The following SEPTIN9 variants were observed in gnomAD, a reference collection of about 807,000 sequenced individuals.
SEPTIN9 encodes septin-9.
A neutral mutation model predicts 56.6 loss-of-function variants in SEPTIN9; 13 were observed. That is an observed-to-expected ratio of 0.23 (90% confidence interval 0.15 to 0.37). The LOEUF (loss-of-function observed/expected upper bound fraction) is 0.37. Ranked by LOEUF, SEPTIN9 falls within the 10% of genes least tolerant of loss-of-function variation. The pLI, the probability that SEPTIN9 is intolerant of heterozygous loss-of-function variation, is 1.00. For missense variants in SEPTIN9, 650 were observed against 823.1 expected, an observed-to-expected ratio of 0.79 and a Z score of 2.57; for synonymous variants, 332 against 334.1, an observed-to-expected ratio of 0.99 and a Z score of 0.07.
chr17:77,346,294 T>A (rs2033893099), intron 2 of SEPTIN9, among the ~76,000 whole-genome samples: 1 of 145,288 alleles, frequency 6.9e-6, no homozygotes. Flanking sequence ...TTTTTTTTTT[T>A]TTTTTTTTTT....
At chr17:77,463,849 T>A (rs963964957) in intron 3 of SEPTIN9, among the ~76,000 whole-genome samples, 1 of 151,690 alleles carries the variant, frequency 6.6e-6, no homozygotes, top group Non-Finnish European at 1.5e-5. Context: ...TCTCAAAAAA[T>A]AAATAAATAA....
Position 77,323,567 on chromosome 17 carries a change from C to A in SEPTIN9, c.76+16370C>A, listed in dbSNP as rs2033020536. On this transcript the variant is annotated intron_variant, in intron 2 of 11. Coordinates refer to ENST00000427177, the MANE Select transcript of SEPTIN9 (RefSeq NM_001113491.2). This position sits in a 1 kb window ranked among gnomAD's most constrained non-coding sequence, Gnocchi z 6.8. ...CACGCTGTCGCTGGACGTCTGTCCC[C>A]ACCAGGGTCCATCTGATGCAGTACG... is the stretch of plus-strand genomic sequence containing the variant. 6.6e-6 allele frequency: 1 copy of A among 152,324 alleles called. No individual in the cohort carries two copies. The highest frequency in any genetic ancestry group is 2.4e-5 in the African/African-American group (1 of 41,404). 9.4% of individuals were successfully genotyped at this position (152,324 alleles called of 1,614,324 possible).
chr17:77,300,329 T>C (rs1181845965), intron 1 of SEPTIN9, among the ~76,000 whole-genome samples: 1 of 124,688 alleles, frequency 8.0e-6, no homozygotes, highest in African/African-American at 2.5e-5. Context: ...GCTCCCCTCA[T>C]GGATGAATAA....
intron 2 of SEPTIN9, among the ~76,000 whole-genome samples, chr17:77,324,417 G>C (rs1252377763): frequency 6.6e-6 from 1 of 152,140 alleles, no homozygotes; most frequent in Non-Finnish European, 1.5e-5. Flanking sequence ...GTGGCCTTTG[G>C]CCTTTTCCAC....
intron 2 of SEPTIN9, chr17:77,373,217 G>A: frequency 9.0e-7 from 1 of 1,107,092 alleles, no homozygotes; most frequent in Non-Finnish European, 1.1e-6. Context: ...ACAGGCGGGC[G>A]GAGCAGCCAG....
rs569132529 is a variant in SEPTIN9, at chr17:77,397,984, T to A, written c.77-4075T>A. 5.3e-5 allele frequency among the ~76,000 whole-genome samples: 8 copies of A among 149,602 alleles called. No individual in the cohort carries two copies. The South Asian group carries it at 1.7e-3, about 32-fold the overall frequency. On this transcript the variant is annotated intron_variant, in intron 2 of 11. Coordinates refer to ENST00000427177, the MANE Select transcript of SEPTIN9 (RefSeq NM_001113491.2). ...GCATTTAGTAGGTTTTGGTTGTTTT[T>A]TTTTTTTGAGACAGAGTCTCACTCT...
chr17:77,284,751 T>C (rs1486752266), intron 1 of SEPTIN9, among the ~76,000 whole-genome samples: 1 of 152,182 alleles, frequency 6.6e-6, no homozygotes, highest in East Asian at 1.9e-4. Flanking sequence ...TGCCTCAGCC[T>C]CCTGAGTGGC....
intron 2 of SEPTIN9, among the ~76,000 whole-genome samples, chr17:77,355,903 A>G (rs1326445840): frequency 6.9e-6 from 1 of 144,054 alleles, no homozygotes; most frequent in East Asian, 2.3e-4. Context: ...AATGGCGTGA[A>G]CCCAGGAGGC....
intron 2 of SEPTIN9, among the ~76,000 whole-genome samples, chr17:77,333,882 T>C (rs1179735148): frequency 6.6e-6 from 1 of 152,052 alleles, no homozygotes; most frequent in African/African-American, 2.4e-5. Flanking sequence ...TCCTTGTTGG[T>C]CATTTACGTA....
At chr17:77,372,460 C>G (rs2034750370) in intron 2 of SEPTIN9, among the ~76,000 whole-genome samples, 1 of 152,138 alleles carries the variant, frequency 6.6e-6, no homozygotes, top group Non-Finnish European at 1.5e-5. Context: ...GGTTAGGGCC[C>G]AGAAGGGAGG....
chr17:77,380,725 C>G (rs561575995), intron 2 of SEPTIN9, among the ~76,000 whole-genome samples: 16 of 152,296 alleles, frequency 1.1e-4, no homozygotes, highest in African/African-American at 3.8e-4. Context: ...GAGGGGTCAT[C>G]TGAGTGTAGG....
At chr17:77,340,074 C>T (rs976226853) in intron 2 of SEPTIN9, among the ~76,000 whole-genome samples, 1 of 151,990 alleles carries the variant, frequency 6.6e-6, no homozygotes, top group African/African-American at 2.4e-5. Context: ...GGTGATTTGC[C>T]TGCCTTGGCC....
chr17:77,349,495 T>C (rs768723083), intron 2 of SEPTIN9, among the ~76,000 whole-genome samples: 5 of 152,240 alleles, frequency 3.3e-5, no homozygotes, highest in Non-Finnish European at 5.9e-5. Flanking sequence ...CTTTAAAATA[T>C]AGGGTTCCAG....
At position 77,402,326 on chromosome 17, in the gene SEPTIN9, C is replaced by T. The variant is rs768122375; in HGVS notation, c.344C>T (p.Ser115Leu). Residue 115 changes from serine (S) to leucine (L), a missense_variant, in exon 3 of 12, where the codon TCG becomes TTG. Physicochemically the swap from Ser to Leu is moderately radical, Grantham distance 145. Coordinates refer to ENST00000427177, the MANE Select transcript of SEPTIN9 (RefSeq NM_001113491.2). The surrounding 1 kb of genome is among the most constrained non-coding windows in gnomAD (Gnocchi z 6.6). The stretch of plus-strand genomic sequence containing the variant: ...CGCACTGAGCTGTCCATTGACATCT[C>T]GTCCAAGCAGGTGGAGAACGCCGGG... The part of the protein sequence containing the change: ...SRRTELSIDI[S>L]SKQVENAGAI... 8.1e-6 allele frequency: 13 copies of T among 1,612,722 alleles called. No individual in the cohort carries two copies. The highest frequency in any genetic ancestry group is 3.3e-5 in the South Asian group (3 of 91,060).
At chr17:77,297,972 G>C (rs1470752795) in intron 1 of SEPTIN9, among the ~76,000 whole-genome samples, 1 of 152,188 alleles carries the variant, frequency 6.6e-6, no homozygotes, top group African/African-American at 2.4e-5. Context: ...AAGCAAGCTT[G>C]GTGCATTCCA....
At chr17:77,395,753 T>C (rs2035690339) in intron 2 of SEPTIN9, among the ~76,000 whole-genome samples, 1 of 152,242 alleles carries the variant, frequency 6.6e-6, no homozygotes. Flanking sequence ...GTATACATCT[T>C]GTGTCCTGCT....
chr17:77,463,129 G>A (rs1297991003), intron 3 of SEPTIN9, among the ~76,000 whole-genome samples: 1 of 152,182 alleles, frequency 6.6e-6, no homozygotes, highest in Non-Finnish European at 1.5e-5. Flanking sequence ...TGTAGGGAGG[G>A]CACCTCTTAC....
intron 2 of SEPTIN9, among the ~76,000 whole-genome samples, chr17:77,359,769 C>T (rs1014259301): frequency 6.6e-6 from 1 of 151,984 alleles, no homozygotes; most frequent in Non-Finnish European, 1.5e-5. Context: ...GCACTCCAGC[C>T]TGGGTGACAG....
At chr17:77,344,211 A>G (rs953875725) in intron 2 of SEPTIN9, among the ~76,000 whole-genome samples, 4 of 152,124 alleles carry the variant, frequency 2.6e-5, no homozygotes, top group African/African-American at 7.2e-5. Flanking sequence ...GTGAACAGAC[A>G]TTTTTCCACA....
Sources: gnomAD v4.1 joint callset for allele counts (sites outside exome capture counted in the v4.1 genomes callset) on GRCh38, gnomAD v4.1.1 for gene constraint, Gnocchi (gnomAD v3.1) non-coding constraint, MANE v1.5 for transcripts, NCBI Gene and HGNC (gene_info 2026-07-23, HGNC 2026-07-21) for gene names.